Variants in TTN observed in about 807,000 individuals in gnomAD.
TTN encodes titin, also known as connectin.
A neutral mutation model predicts 3,223.0 loss-of-function variants in TTN; 1,525 were observed. The ratio of observed to expected loss-of-function variants is 0.47; its 90% CI spans 0.45 to 0.49. TTN has a LOEUF of 0.49. Among genes scored for constraint, TTN ranks in the 20% least tolerant of loss-of-function variants. The pLI is 0.00. For missense variants in TTN, 40,786 were observed against 43,424.0 expected, an observed-to-expected ratio of 0.94 and a Z score of 5.40; for synonymous variants, 14,094 against 15,161.0, an observed-to-expected ratio of 0.93 and a Z score of 5.17.
At chr2:178,729,972 T>A in intron 62 of TTN, 27 bp from the exon 63 acceptor site, 1 of 1,601,846 alleles carries the variant, frequency 6.2e-7, no homozygotes, top group Non-Finnish European at 8.5e-7. Flanking sequence ...AATTGTGATG[T>A]TGAATATTTT....
chr2:178,765,052 G>A (rs1227344647), intron 41 of TTN, among the ~76,000 whole-genome samples: 3 of 152,108 alleles, frequency 2.0e-5, no homozygotes, highest in Non-Finnish European at 4.4e-5. Context: ...ATATTTGGGG[G>A]GCATGCTGAG....
chr2:178,538,058 T>C, intron 354 of TTN, 141 bp from the exon 355 acceptor site: 1 of 815,560 alleles, frequency 1.2e-6, no homozygotes, highest in Non-Finnish European at 1.9e-6. Flanking sequence ...AAAAACTCTT[T>C]GAAGTGATTT....
rs2154165510 is a variant in TTN, at chr2:178,566,340, A to G, written c.79792T>C (p.Leu26598=). The change falls in exon 326 of 363, where the codon TTA becomes CTA. Residue 26598 remains leucine, a synonymous_variant. Coordinates refer to ENST00000589042, the MANE Select transcript of TTN (RefSeq NM_001267550.2). ...EAPELDLDSE[L]RKGIVVRAGG... ...GCTCTTACAACAATTCCTTTTCTTA[A>G]TTCGGAGTCAAGGTCAAGTTCAGGT... 1 of 1,613,512 alleles carries G rather than the reference A, an allele frequency of 6.2e-7. No homozygotes were observed. Among genetic ancestry groups the G allele is most frequent in the Non-Finnish European group, 8.5e-7 (1 of 1,179,666 alleles).
Position 178,664,905 on chromosome 2 carries a change from A to C in TTN, c.36065T>G (p.Ile12022Ser), listed in dbSNP as rs974825509. The C allele has an allele frequency of 1.2e-6, 2 of 1,610,120 alleles. No homozygotes were observed. Among genetic ancestry groups the C allele is most frequent in the Middle Eastern group, 1.6e-4 (1 of 6,062 alleles). ...GGAAGGAACTGTCTTGGCAGGAATA[A>C]TTTCTTGAGGAGCTTCGGGCGCTTG... Reference protein sequence around the residue: ...RMKTPEAPQEIIPAKTVPSKK... With the variant: ...RMKTPEAPQESIPAKTVPSKK... Residue 12022 changes from isoleucine (I) to serine (S), a missense_variant, in exon 166 of 363, where the codon ATT (isoleucine) becomes AGT (serine). Ile to Ser is a moderately radical substitution (Grantham distance 142). Transcript: ENST00000589042.
chr2:178,681,415 C>A lies in TTN; in HGVS notation c.33208G>T (p.Val11070Leu). 6.2e-7 allele frequency: 1 copy of A among 1,612,342 alleles called. No individual in the cohort carries two copies. Among genetic ancestry groups the A allele is most frequent in the Non-Finnish European group, 8.5e-7 (1 of 1,179,056 alleles). The change falls in exon 137 of 363, where the codon GTG becomes TTG. Residue 11070 changes from valine to leucine, a missense_variant. Val to Leu is a conservative substitution (Grantham distance 32). Transcript: ENST00000589042. ...GGTTTGAGTTTCTTAGGAATGGGCA[C>A]TGGTACTTTTTCTTCAGGGACAGCT... is the stretch of plus-strand genomic sequence containing the variant. ...KKAVPEEKVP[V>L]PIPKKLKPPP...
chr2:178,550,310 C>T (rs1245048190), intron 336 of TTN, 37 bp from the exon 337 acceptor site: 2 of 1,535,438 alleles, frequency 1.3e-6, no homozygotes, highest in East Asian at 2.3e-5. Flanking sequence ...ATTAGTTTGG[C>T]TTAATAAAGA....
rs1486983313 is a variant in TTN at position 178,561,584 on chromosome 2, C to T, written c.84548G>A (p.Gly28183Glu). 1.9e-6 allele frequency: 3 copies of T among 1,613,290 alleles called. No homozygotes were observed. The highest frequency in any genetic ancestry group is 3.3e-5 in the Admixed American group (2 of 59,952). ...AAGATGATAGCCAATTACTCGACTT[C>T]CTCCATCATTAACTGGCACTTGCCA... ...VTWQVPVNDG[G>E]SRVIGYHLEY... The change falls in exon 326 of 363, where the codon GGA becomes GAA. Residue 28183 changes from glycine (G) to glutamate (E), a missense_variant. Physicochemically the swap from Gly to Glu is moderately conservative, Grantham distance 98. Transcript: ENST00000589042.
At position 178,561,314 on chromosome 2, in the gene TTN, C is replaced by T; in HGVS notation, c.84818G>A (p.Trp28273Ter). 2 of 1,613,748 alleles carry T rather than the reference C, an allele frequency of 1.2e-6. No homozygotes were observed. The highest frequency in any genetic ancestry group is 1.7e-6 in the Non-Finnish European group (2 of 1,179,802). The change falls in exon 326 of 363, where the codon TGG (tryptophan) becomes TAG (stop). Residue 28273 changes from tryptophan to a stop codon, truncating the protein, a stop_gained. Coordinates refer to ENST00000589042, the MANE Select transcript of TTN (RefSeq NM_001267550.2). LOFTEE classifies it high-confidence loss of function. ...TCCACCATCATAATGTGGTTTAGAC[C>T]ATTTAAGTGACACTGATTTTCTTGT... Reference protein sequence around the residue: ...NITRKSVSLKWSKPHYDGGAK... With the variant: ...NITRKSVSLK
rs1396508969 is a variant in TTN, at chr2:178,565,321, C to T, written c.80811G>A (p.Leu26937=). 2.5e-6 allele frequency: 4 copies of T among 1,613,616 alleles called. No individual in the cohort carries two copies. The highest frequency in any genetic ancestry group is 3.4e-6 in the Non-Finnish European group (4 of 1,179,674). ...NVEETATSTV[L]HIKEGNKDDF... is the part of the protein sequence containing the mutation. The stretch of plus-strand genomic sequence containing the variant: ...CATCTTTGTTACCTTCTTTAATGTG[C>T]AAAACAGTTGAGGTAGCTGTTTCTT... The change falls in exon 326 of 363, where the codon TTG becomes TTA. Residue 26937 remains leucine, a synonymous_variant. Transcript: ENST00000589042.
At chr2:178,619,003 A>G in intron 250 of TTN, 150 bp from the exon 251 acceptor site, 1 of 1,047,190 alleles carries the variant, frequency 9.5e-7, no homozygotes, top group East Asian at 2.6e-5. Context: ...AGTGGCTTAG[A>G]GTTCTCATAG....
In TTN at chr2:178,611,157, T is replaced by C. The variant is rs745796006; in HGVS notation, c.50972A>G (p.Asp16991Gly). ...ATCACTTGCTTTAACTTCTTTGCCATCTTTATGCCAACTAACAGTTGGAAC... is the reference window on the plus strand; with the variant it reads ...ATCACTTGCTTTAACTTCTTTGCCACCTTTATGCCAACTAACAGTTGGAAC... The part of the protein sequence containing the change: ...VPVPTVSWHK[D>G]GKEVKASDRL... Residue 16991 changes from aspartate to glycine, a missense_variant, in exon 270 of 363, where the codon GAT (aspartate) becomes GGT (glycine). By Grantham distance (94) the Asp-to-Gly change is moderately conservative. Transcript: ENST00000589042. The C allele has an allele frequency of 6.2e-7, 1 of 1,612,780 alleles. No individual in the cohort carries two copies. Among genetic ancestry groups the C allele is most frequent in the Non-Finnish European group, 8.5e-7 (1 of 1,179,234 alleles).
In TTN at chr2:178,694,909, G is replaced by A; in HGVS notation, c.31271-3C>T. ...TTCAATTACTGGCTTCTTTATAACTGCAAGCATTTTAGAGAAATTGCAGTA... is the reference window on the plus strand; with the variant it reads ...TTCAATTACTGGCTTCTTTATAACTACAAGCATTTTAGAGAAATTGCAGTA... On this transcript the variant is annotated splice_polypyrimidine_tract_variant and splice_region_variant and intron_variant, in intron 115 of 362. Coordinates refer to ENST00000589042, the MANE Select transcript of TTN (RefSeq NM_001267550.2). 6.5e-7 allele frequency: 1 copy of A among 1,541,016 alleles called. No homozygotes were observed. The highest frequency in any genetic ancestry group is 2.4e-5 in the East Asian group (1 of 41,542).
chr2:178,702,406 G>A, intron 107 of TTN, 48 bp downstream of exon 107: 2 of 1,610,608 alleles, frequency 1.2e-6, no homozygotes, highest in Non-Finnish European at 1.7e-6. Flanking sequence ...ACAGAAAACA[G>A]ACGAGGCTTA....
chr2:178,557,700 A>C lies in TTN; in HGVS notation c.87654T>G (p.Phe29218Leu). Residue 29218 changes from phenylalanine (F) to leucine (L), a missense_variant, in exon 328 of 363, where the codon TTT (phenylalanine) becomes TTG (leucine). Phe to Leu is a conservative substitution (Grantham distance 22). Coordinates refer to ENST00000589042, the MANE Select transcript of TTN (RefSeq NM_001267550.2). ...CTGAATCTATATGATCACTGATGCC[A>C]AAGCGGTTTTCTGCCTTGATGCGGA... ...YQFRIKAENR[F>L]GISDHIDSAC... The C allele has an allele frequency of 6.2e-7, 1 of 1,613,986 alleles. No homozygotes were observed.
Position 178,651,938 on chromosome 2 carries a change from C to T in TTN, c.39325G>A (p.Glu13109Lys). Residue 13109 changes from glutamate to lysine, a missense_variant, in exon 205 of 363, where the codon GAA becomes AAA. By Grantham distance (56) the Glu-to-Lys change is moderately conservative. Transcript: ENST00000589042. ...VFEEPEEVAL[E>K]EPPAEVVEEP... ...TCCACAACTTCAGCAGGAGGCTCTT[C>T]TAGGGCAACTTCCTCAGGCTCCTCG... is the stretch of plus-strand genomic sequence containing the variant. 6.2e-7 allele frequency: 1 copy of T among 1,610,266 alleles called. No homozygotes were observed. Among genetic ancestry groups the T allele is most frequent in the African/African-American group, 1.3e-5 (1 of 74,936 alleles).
rs2154269697 is a variant in TTN, at chr2:178,679,433, T to C, written c.33665-17A>G. 7 of 1,611,092 alleles carry C rather than the reference T, an allele frequency of 4.3e-6. No individual in the cohort carries two copies. The highest frequency in any genetic ancestry group is 5.9e-6 in the Non-Finnish European group (7 of 1,178,600). ...CCTCAGGCACTTTAAAGATATTGTT[T>C]ATTGTTAAGTTCTAACTACTAGTAA... On this transcript the variant is annotated splice_polypyrimidine_tract_variant and intron_variant, in intron 141 of 362. Transcript: ENST00000589042.
At chr2:178,637,160 T>C (rs1251452984) in intron 224 of TTN, among the ~76,000 whole-genome samples, 4 of 108,214 alleles carry the variant, frequency 3.7e-5, no homozygotes, top group South Asian at 3.2e-4. Flanking sequence ...TATATATATA[T>C]ATATATATAT....
At chr2:178,624,377 A>C in intron 242 of TTN, 88 bp downstream of exon 242, 1 of 1,558,500 alleles carries the variant, frequency 6.4e-7, no homozygotes, top group Non-Finnish European at 8.8e-7. Flanking sequence ...TTAGGCCAAG[A>C]AGGGCATGCA....
In TTN at chr2:178,664,468, G is replaced by A. The variant is rs1246522825; in HGVS notation, c.36272C>T (p.Pro12091Leu). 3 of 1,610,804 alleles carry A rather than the reference G, an allele frequency of 1.9e-6. No homozygotes were observed. Among genetic ancestry groups the A allele is most frequent in the Non-Finnish European group, 2.5e-6 (3 of 1,178,310 alleles). Reference protein sequence around the residue: ...VHPPQRAEVVPVKVHEAPKEI... With the variant: ...VHPPQRAEVVLVKVHEAPKEI... Reference sequence around the variant, plus strand: ...GACAGTTAAGAATGTACCTTTGACAGGTACAACTTCAGCCCTTTGGGGAGG... The same window carrying A: ...GACAGTTAAGAATGTACCTTTGACAAGTACAACTTCAGCCCTTTGGGGAGG... The change falls in exon 168 of 363, where the codon CCT (proline) becomes CTT (leucine). Residue 12091 changes from proline (P) to leucine (L), a missense_variant. Physicochemically the swap from Pro to Leu is moderately conservative, Grantham distance 98. Transcript: ENST00000589042.
Sources: allele counts gnomAD v4.1 joint callset (sites outside exome capture counted in the v4.1 genomes callset), GRCh38; gene constraint gnomAD v4.1.1; transcripts MANE v1.5; gene names NCBI Gene and HGNC (gene_info 2026-07-23, HGNC 2026-07-21).